The following SLC39A7 variants were observed in gnomAD, a reference collection of about 807,000 sequenced individuals.
SLC39A7 encodes solute carrier family 39 member 7.
In SLC39A7, 25 loss-of-function variants were observed where a neutral mutation model predicts 39.7. The ratio of observed to expected loss-of-function variants is 0.63; its 90% confidence interval spans 0.46 to 0.88. The LOEUF is 0.88. Among genes scored for constraint, SLC39A7 ranks in the 40% least tolerant of loss-of-function variants. The probability of loss-of-function intolerance (pLI) is 0.00; values close to 1 mark genes in which losing one functional copy is unlikely to be tolerated. For synonymous variants in SLC39A7, 181 were observed against 234.1 expected (o/e 0.77, Z 2.07); for missense variants, 501 against 592.1 (o/e 0.85, Z 1.60).
At chr6:33,202,889 T>C (rs1453760658) in intron 5 of SLC39A7, 21 bp from the exon 6 acceptor site, 3 of 1,593,456 alleles carry the variant, frequency 1.9e-6, no homozygotes, top group Non-Finnish European at 2.6e-6. Context: ...CTGATCATTT[T>C]CTCTTCTTGT....
chr6:33,203,699 A>G lies in SLC39A7; in HGVS notation c.1296A>G (p.Thr432=). The G allele has an allele frequency of 6.2e-7, 1 of 1,614,198 alleles. No individual in the cohort carries two copies. The highest frequency in any genetic ancestry group is 8.5e-7 in the Non-Finnish European group (1 of 1,180,038). The part of the protein sequence containing the change: ...FTAGGFIYVA[T]VSVLPELLRE... Reference sequence around the variant, plus strand: ...CAGGTGGCTTTATCTACGTAGCAACAGTGTCTGTGTTGCCCGAGCTGCTGA... The same window carrying G: ...CAGGTGGCTTTATCTACGTAGCAACGGTGTCTGTGTTGCCCGAGCTGCTGA... Residue 432 remains threonine, a synonymous_variant, in exon 7 of 7, where the codon ACA becomes ACG. Transcript: ENST00000374677.
rs1774485688 is a variant in SLC39A7 at position 33,200,937 on chromosome 6, C to T, written c.-309C>T. The T allele has an allele frequency of 5.0e-6, 5 of 996,872 alleles. No homozygotes were observed. Among genetic ancestry groups the T allele is most frequent in the Non-Finnish European group, 7.7e-6 (5 of 647,974 alleles). The allele number at this position is 996,872 out of a possible 1,614,324, so 61.8% of individuals were successfully genotyped here. A position where few individuals can be genotyped will look rare whatever the true frequency, so the allele number is the denominator to read the frequency against. ...CCGGGAAAGGAGAGGATCCCGGAGCCGGTGAGAATTCTCTGTTTTTTCTCT... is the reference window on the plus strand; with the variant it reads ...CCGGGAAAGGAGAGGATCCCGGAGCTGGTGAGAATTCTCTGTTTTTTCTCT... On this transcript the variant is annotated 5_prime_UTR_variant, in exon 1 of 7. Coordinates refer to ENST00000374677, the MANE Select transcript of SLC39A7 (RefSeq NM_006979.3). The surrounding 1 kb of genome is among the most constrained non-coding windows in gnomAD (Gnocchi z 6.3).
At position 33,203,983 on chromosome 6, in the gene SLC39A7, T is replaced by C. The variant is rs1439186059; in HGVS notation, c.*170T>C. ...CAAGGGCTGGCAGTCTTACAGAGGC[T>C]GGAGCGGTGAGAATGAGAGGCCAGA... On this transcript the variant is annotated 3_prime_UTR_variant, in exon 7 of 7. Coordinates refer to ENST00000374677, the MANE Select transcript of SLC39A7 (RefSeq NM_006979.3). The C allele has an allele frequency of 1.8e-5, 12 of 653,722 alleles. No homozygotes were observed. The highest frequency in any genetic ancestry group is 3.2e-5 in the Non-Finnish European group (12 of 378,606). 40.5% of individuals were successfully genotyped at this position (653,722 alleles called of 1,614,324 possible). A position where few individuals can be genotyped will look rare whatever the true frequency, so the allele number is the denominator to read the frequency against.
chr6:33,201,362 A>T lies in SLC39A7; in HGVS notation c.117A>T (p.Gln39His), dbSNP rs946730490. ...GGHDDLHDDLQEDFHGHSHRH... is the reference protein window; with the variant it reads ...GGHDDLHDDLHEDFHGHSHRH... Reference sequence around the variant, plus strand: ...ATGACGACCTGCACGACGATCTGCAAGAGGACTTCCATGGCCACAGCCACA... The same window carrying T: ...ATGACGACCTGCACGACGATCTGCATGAGGACTTCCATGGCCACAGCCACA... The change falls in exon 1 of 7, where the codon CAA becomes CAT. Residue 39 changes from glutamine (Q) to histidine (H), a missense_variant. Gln to His is a conservative substitution (Grantham distance 24). Transcript: ENST00000374677. This position sits in a 1 kb window ranked among gnomAD's most constrained non-coding sequence, Gnocchi z 5.9. The T allele has an allele frequency of 6.2e-7, 1 of 1,614,160 alleles. No individual in the cohort carries two copies. The highest frequency in any genetic ancestry group is 8.5e-7 in the Non-Finnish European group (1 of 1,180,006).
intron 6 of SLC39A7, among the ~76,000 whole-genome samples, 187 bp from the exon 7 acceptor site, chr6:33,203,354 G>A (rs1260200575): frequency 6.6e-6 from 1 of 152,120 alleles, no homozygotes; most frequent in African/African-American, 2.4e-5. Context: ...AAAGTCTGTG[G>A]AAAGGACCTC....
At position 33,201,260 on chromosome 6, in the gene SLC39A7, G is replaced by A; in HGVS notation, c.15G>A (p.Leu5=). Residue 5 remains leucine, a synonymous_variant, in exon 1 of 7, where the codon CTG becomes CTA. Transcript: ENST00000374677. This position sits in a 1 kb window ranked among gnomAD's most constrained non-coding sequence, Gnocchi z 5.9. ...TGGTCAGCGTGATGGCCAGAGGCCTGGGGGCCCCCCACTGGGTGGCCGTGG... is the reference window on the plus strand; with the variant it reads ...TGGTCAGCGTGATGGCCAGAGGCCTAGGGGCCCCCCACTGGGTGGCCGTGG... The part of the protein sequence containing the change: MARG[L]GAPHWVAVGL... 1 of 1,612,070 alleles carries A rather than the reference G, an allele frequency of 6.2e-7. No homozygotes were observed. The highest frequency in any genetic ancestry group is 8.5e-7 in the Non-Finnish European group (1 of 1,179,098).
rs904976622 is a variant in SLC39A7 at position 33,201,831 on chromosome 6, C to G, written c.498C>G (p.Arg166=). 4 of 1,613,110 alleles carry G rather than the reference C, an allele frequency of 2.5e-6. No homozygotes were observed. The African/African-American group carries it at 5.3e-5, about 22-fold the overall frequency. ...IPVESNSPRH[R]SLLQILLSFA... The stretch of plus-strand genomic sequence containing the variant: ...TGGAGTCGAACTCTCCCCGGCATCG[C>G]TCTCTACTTCAGATCTTGCTCAGTT... Residue 166 remains arginine (R), a synonymous_variant, in exon 2 of 7, where the codon CGC becomes CGG. Transcript: ENST00000374677. The surrounding 1 kb of genome is among the most constrained non-coding windows in gnomAD (Gnocchi z 5.9).
Position 33,201,325 on chromosome 6 carries a change from G to C in SLC39A7, c.80G>C (p.Gly27Ala). The change falls in exon 1 of 7, where the codon GGA becomes GCA. Residue 27 changes from glycine (G) to alanine (A), a missense_variant. Transcript: ENST00000374677. This position sits in a 1 kb window ranked among gnomAD's most constrained non-coding sequence, Gnocchi z 5.9. ...GCGACCTTGGGGCTTCTGGTGGCTGGACTCGGGGGTCATGACGACCTGCAC... is the reference window on the plus strand; with the variant it reads ...GCGACCTTGGGGCTTCTGGTGGCTGCACTCGGGGGTCATGACGACCTGCAC... ...TWATLGLLVA[G>A]LGGHDDLHDD... 5 of 1,614,140 alleles carry C rather than the reference G, an allele frequency of 3.1e-6. No homozygotes were observed. Among genetic ancestry groups the C allele is most frequent in the Non-Finnish European group, 4.2e-6 (5 of 1,180,012 alleles).
chr6:33,202,930 C>T lies in SLC39A7; in HGVS notation c.961C>T (p.Leu321=). ...ACAAGACCTGCGTGTGTCGGGGTAC[C>T]TGAATCTGGCTGCTGACTTGGCACA... ...RGLDLRVSGY[L]NLAADLAHNF... is the part of the protein sequence containing the mutation. The change falls in exon 6 of 7, where the codon CTG becomes TTG. Residue 321 remains leucine, a synonymous_variant. Transcript: ENST00000374677. The T allele has an allele frequency of 1.2e-6, 2 of 1,610,884 alleles. No homozygotes were observed. The highest frequency in any genetic ancestry group is 1.7e-6 in the Non-Finnish European group (2 of 1,179,390).
Position 33,202,642 on chromosome 6 carries a change from A to G in SLC39A7, c.882A>G (p.Thr294=). 3.7e-6 allele frequency: 6 copies of G among 1,611,290 alleles called. No individual in the cohort carries two copies. In the African/African-American group the frequency reaches 5.3e-5, roughly 14 times the overall value. ...TTCAGAAGAGGCGAGGAGGGAGCAC[A>G]GTACCCAAAGATGGGCCAGTGAGAC... ...RGVQKRRGGS[T]VPKDGPVRPQ... is the part of the protein sequence containing the mutation. Residue 294 remains threonine (T), a synonymous_variant, in exon 5 of 7, where the codon ACA becomes ACG. Coordinates refer to ENST00000374677, the MANE Select transcript of SLC39A7 (RefSeq NM_006979.3).
rs1774796129 is a variant in SLC39A7 at position 33,203,687 on chromosome 6, C to A, written c.1284C>A (p.Ile428=). ...WVLPFTAGGF[I]YVATVSVLPE... ...TGCCATTTACTGCAGGTGGCTTTATCTACGTAGCAACAGTGTCTGTGTTGC... is the reference window on the plus strand; with the variant it reads ...TGCCATTTACTGCAGGTGGCTTTATATACGTAGCAACAGTGTCTGTGTTGC... The change falls in exon 7 of 7, where the codon ATC becomes ATA. Residue 428 remains isoleucine, a synonymous_variant. Coordinates refer to ENST00000374677, the MANE Select transcript of SLC39A7 (RefSeq NM_006979.3). 2 of 1,614,120 alleles carry A rather than the reference C, an allele frequency of 1.2e-6. No homozygotes were observed. Among genetic ancestry groups the A allele is most frequent in the Admixed American group, 3.3e-5 (2 of 60,010 alleles).
chr6:33,203,895 G>A lies in SLC39A7; in HGVS notation c.*82G>A. 2 of 1,402,068 alleles carry A rather than the reference G, an allele frequency of 1.4e-6. No individual in the cohort carries two copies. 86.9% of individuals were successfully genotyped at this position (1,402,068 alleles called of 1,614,324 possible). On this transcript the variant is annotated 3_prime_UTR_variant, in exon 7 of 7. Transcript: ENST00000374677. ...GCGTAGAGGTTGGGGGCCCTGGCCA[G>A]GGACATCTGCCAAAGGAAGGAACTG...
chr6:33,202,003 C>T (rs1209467258), intron 2 of SLC39A7, 69 bp from the exon 3 acceptor site: 6 of 1,597,280 alleles, frequency 3.8e-6, no homozygotes, highest in Non-Finnish European at 3.4e-6. Context: ...CCTGACCTTT[C>T]GATATTCCCC....
Position 33,201,375 on chromosome 6 carries a change from GGCCACA to G in SLC39A7, c.138_143del (p.Ser46_His47del). Reference sequence around the variant, plus strand: ...CGACGATCTGCAAGAGGACTTCCATGGCCACAGCCACAGGCACTCACATGAAGATTT... The same window carrying G: ...CGACGATCTGCAAGAGGACTTCCATGGCCACAGGCACTCACATGAAGATTT... On this transcript the variant is annotated inframe_deletion, in exon 1 of 7. Transcript: ENST00000374677. The surrounding 1 kb of genome is among the most constrained non-coding windows in gnomAD (Gnocchi z 5.9). 1 of 1,614,094 alleles carries G rather than the reference GGCCACA, an allele frequency of 6.2e-7. No individual in the cohort carries two copies. The highest frequency in any genetic ancestry group is 1.3e-5 in the African/African-American group (1 of 75,022).
chr6:33,201,049 TG>T lies in SLC39A7; in HGVS notation c.-196del. The T allele has an allele frequency of 1.3e-6, 1 of 756,134 alleles. No homozygotes were observed. Among genetic ancestry groups the T allele is most frequent in the Non-Finnish European group, 2.3e-6 (1 of 429,476 alleles). The allele number at this position is 756,134 out of a possible 1,614,324, so 46.8% of individuals were successfully genotyped here. ...TGTAAAGTGGCTGGTGAAAGATTAG[TG>T]TCCCAGGGCCCTACATCCGGGAGGT... is the stretch of plus-strand genomic sequence containing the variant. On this transcript the variant is annotated 5_prime_UTR_variant, in exon 1 of 7. Transcript: ENST00000374677. This position sits in a 1 kb window ranked among gnomAD's most constrained non-coding sequence, Gnocchi z 5.9.
chr6:33,203,494 A>C, intron 6 of SLC39A7, 47 bp from the exon 7 acceptor site: 1 of 1,606,688 alleles, frequency 6.2e-7, no homozygotes, highest in East Asian at 2.2e-5. Flanking sequence ...AACCACTGAT[A>C]ATCTTTAGCT....
Position 33,201,946 on chromosome 6 carries a change from AC to A in SLC39A7, c.580+35del, listed in dbSNP as rs1284496518. 3 of 1,609,228 alleles carry A rather than the reference AC, an allele frequency of 1.9e-6. No homozygotes were observed. The highest frequency in any genetic ancestry group is 2.5e-6 in the Non-Finnish European group (3 of 1,177,132). ...ACCTCTGACTTCTACCTCAAATCTA[AC>A]CTATTTCGTTCTTTGGAGGAAAAGG... On this transcript the variant is annotated intron_variant, in intron 2 of 6. Transcript: ENST00000374677. This position sits in a 1 kb window ranked among gnomAD's most constrained non-coding sequence, Gnocchi z 5.9.
rs767323312 is a variant in SLC39A7, at chr6:33,201,731, C to T, written c.412-14C>T. 1 of 1,613,864 alleles carries T rather than the reference C, an allele frequency of 6.2e-7. No homozygotes were observed. Among genetic ancestry groups the T allele is most frequent in the Non-Finnish European group, 8.5e-7 (1 of 1,179,970 alleles). ...GAAACTCCACAGTACTTGACCTTGA[C>T]TCTCCCTCACCAGGCACTGGGGGCC... On this transcript the variant is annotated splice_polypyrimidine_tract_variant and intron_variant, in intron 1 of 6. Coordinates refer to ENST00000374677, the MANE Select transcript of SLC39A7 (RefSeq NM_006979.3). This position sits in a 1 kb window ranked among gnomAD's most constrained non-coding sequence, Gnocchi z 5.9.
rs767698096 is a variant in SLC39A7, at chr6:33,203,799, G to A, written c.1396G>A (p.Ala466Thr). The part of the protein sequence containing the change: ...LGGVIMMVLI[A>T]HLE ...GGGAGTTATCATGATGGTGCTGATT[G>A]CCCACCTTGAGTGAGGGGTGGATAA... The change falls in exon 7 of 7, where the codon GCC becomes ACC. Residue 466 changes from alanine (A) to threonine (T), a missense_variant. Transcript: ENST00000374677. 4 of 1,614,058 alleles carry A rather than the reference G, an allele frequency of 2.5e-6. No individual in the cohort carries two copies. Among genetic ancestry groups the A allele is most frequent in the South Asian group, 1.1e-5 (1 of 91,068 alleles).
Sources: gnomAD v4.1 joint callset for allele counts (sites outside exome capture counted in the v4.1 genomes callset) on GRCh38, gnomAD v4.1.1 for gene constraint, Gnocchi (gnomAD v3.1) non-coding constraint, MANE v1.5 for transcripts, NCBI Gene and HGNC (gene_info 2026-07-23, HGNC 2026-07-21) for gene names.